SAXO1: variants seen among roughly 807,000 people sequenced by gnomAD.
SAXO1 encodes the protein stabilizer of axonemal microtubules 1.
Under a neutral mutation model 17.5 loss-of-function variants are expected in SAXO1, and 21 were observed. The ratio of observed to expected loss-of-function variants is 1.20; its 90% CI spans 0.85 to 1.72. The LOEUF (loss-of-function observed/expected upper bound fraction) is 1.72, where lower values mean the gene tolerates loss of function less well. Among genes scored for constraint, SAXO1 ranks in the 40% most tolerant of loss-of-function variants. The pLI is 0.00. For synonymous variants in SAXO1, 274 were observed against 216.5 expected, an observed-to-expected ratio of 1.27 and a Z score of -2.33; for missense variants, 843 against 596.0, an observed-to-expected ratio of 1.41 and a Z score of -4.32.
intron 1 of SAXO1, among the ~76,000 whole-genome samples, chr9:19,003,002 T>G (rs977660973): frequency 1.3e-5 from 2 of 152,204 alleles, no homozygotes; most frequent in African/African-American, 4.8e-5. Flanking sequence ...CCCCATCATC[T>G]CAGCCCAAAA....
At position 18,928,158 on chromosome 9, in the gene SAXO1, T is replaced by C. The variant is rs1830844978; in HGVS notation, c.1319A>G (p.His440Arg). Residue 440 changes from histidine to arginine, a missense_variant, in exon 4 of 4, where the codon CAC becomes CGC. His to Arg is a conservative substitution (Grantham distance 29, BLOSUM62 0). Coordinates refer to ENST00000380534, the MANE Select transcript of SAXO1 (RefSeq NM_153707.4). ...CTGGGAAACTGGTTTGTATATCCTG[T>C]GACCCAAAGCATCCACTTCCTCAAA... ...YTFEEVDALG[H>R]RIYKPVSQAG... 1 of 1,614,104 alleles carries C rather than the reference T, an allele frequency of 6.2e-7. No individual in the cohort carries two copies. The highest frequency in any genetic ancestry group is 8.5e-7 in the Non-Finnish European group (1 of 1,180,044).
intron 1 of SAXO1, among the ~76,000 whole-genome samples, chr9:19,019,298 G>T (rs941906797): frequency 1.3e-5 from 2 of 152,040 alleles, no homozygotes; most frequent in African/African-American, 4.8e-5. Flanking sequence ...AAGAAAAAAG[G>T]CTCTTCTGTC....
At chr9:18,982,840 A>C (rs1833449483) in intron 1 of SAXO1, among the ~76,000 whole-genome samples, 2 of 152,196 alleles carry the variant, frequency 1.3e-5, no homozygotes, top group African/African-American at 4.8e-5. Context: ...TCATTTATGG[A>C]GATACAAACT....
intron 1 of SAXO1, among the ~76,000 whole-genome samples, chr9:18,995,578 T>A (rs553999231): frequency 3.9e-5 from 6 of 152,324 alleles, no homozygotes; most frequent in African/African-American, 1.4e-4. Flanking sequence ...TACTCCTGTT[T>A]ATGATTCCTA....
chr9:19,004,012 A>G (rs547176532), intron 1 of SAXO1, among the ~76,000 whole-genome samples: 1 of 152,368 alleles, frequency 6.6e-6, no homozygotes, highest in African/African-American at 2.4e-5. Context: ...ACTTATATCC[A>G]GAATCCACAA....
At chr9:19,037,997 C>T (rs1400583499), upstream of SAXO1, among the ~76,000 whole-genome samples, 1 of 152,124 alleles carries the variant, frequency 6.6e-6, no homozygotes, top group African/African-American at 2.4e-5. Context: ...GGCTGTGTAT[C>T]ATGAAAAAAT....
In SAXO1 at chr9:18,941,626, T is replaced by C; in HGVS notation, c.421+11A>G. ...GTCTTTCCCCCAATCTGCCCCTCTG[T>C]GCTCTCCCACCTTTATAAGTAGGCA... On this transcript the variant is annotated intron_variant, in intron 3 of 3. Transcript: ENST00000380534. 2 of 1,614,108 alleles carry C rather than the reference T, an allele frequency of 1.2e-6. No individual in the cohort carries two copies. Among genetic ancestry groups the C allele is most frequent in the Non-Finnish European group, 8.5e-7 (1 of 1,180,010 alleles).
At chr9:18,955,210 A>G (rs1444323881) in intron 1 of SAXO1, among the ~76,000 whole-genome samples, 2 of 152,214 alleles carry the variant, frequency 1.3e-5, no homozygotes, top group Non-Finnish European at 2.9e-5. Flanking sequence ...AAAAAAAACT[A>G]AAAAGTTTTT....
chr9:19,047,404 A>G (rs189351484), intron 1 of SAXO1, among the ~76,000 whole-genome samples: 202 of 152,250 alleles, frequency 1.3e-3, no homozygotes, highest in African/African-American at 4.7e-3. Flanking sequence ...GACTCCGTAA[A>G]ATGTGATATC....
At chr9:18,929,860 C>A (rs1830960761) in intron 3 of SAXO1, among the ~76,000 whole-genome samples, 1 of 152,220 alleles carries the variant, frequency 6.6e-6, no homozygotes, top group Non-Finnish European at 1.5e-5. Flanking sequence ...ATCTGACCCA[C>A]TCTACTCTCT....
chr9:18,938,821 C>CGTGCGTGTGT (rs759584592), intron 3 of SAXO1, among the ~76,000 whole-genome samples: 1 of 78,510 alleles, frequency 1.3e-5, no homozygotes, highest in African/African-American at 4.7e-5. Context: ...TGCGTGCGTG[C>CGTGCGTGTGT]GTGTGTGTGT....
At chr9:18,942,585 C>G (rs1229278711) in intron 2 of SAXO1, among the ~76,000 whole-genome samples, 1 of 152,220 alleles carries the variant, frequency 6.6e-6, no homozygotes, top group East Asian at 1.9e-4. Context: ...ACTGGAAACC[C>G]TGACTCCTTC....
intron 2 of SAXO1, among the ~76,000 whole-genome samples, chr9:18,942,500 A>G (rs1358224962): frequency 6.6e-6 from 1 of 152,112 alleles, no homozygotes; most frequent in Non-Finnish European, 1.5e-5. Context: ...TGTTCCCAAA[A>G]GCTTCTCCTG....
intron 1 of SAXO1, among the ~76,000 whole-genome samples, chr9:19,043,367 CAGAG>C (rs1168935141): frequency 7.9e-5 from 12 of 152,074 alleles, no homozygotes; most frequent in African/African-American, 2.9e-4. Context: ...CTCACAGACA[CAGAG>C]AGCAGAAGAA....
At chr9:18,955,807 G>T (rs1469793858) in intron 1 of SAXO1, among the ~76,000 whole-genome samples, 1 of 151,942 alleles carries the variant, frequency 6.6e-6, no homozygotes, top group Non-Finnish European at 1.5e-5. Context: ...TCCCACCCCT[G>T]CCTCCCCACA....
intron 1 of SAXO1, among the ~76,000 whole-genome samples, chr9:19,013,387 G>C (rs1037633370): frequency 6.6e-6 from 1 of 151,970 alleles, no homozygotes; most frequent in African/African-American, 2.4e-5. Flanking sequence ...AAATAGGAGG[G>C]GAAAGTTTCA....
chr9:18,937,199 G>T (rs979472056), intron 3 of SAXO1, among the ~76,000 whole-genome samples: 2 of 152,218 alleles, frequency 1.3e-5, no homozygotes, highest in African/African-American at 4.8e-5. Flanking sequence ...AATGCATGGG[G>T]TTATTAAGGA....
chr9:19,028,783 T>C (rs548673792), intron 1 of SAXO1, among the ~76,000 whole-genome samples: 1 of 152,312 alleles, frequency 6.6e-6, no homozygotes, highest in East Asian at 1.9e-4. Context: ...CAAAGCTCAC[T>C]GAAAAGTTTT....
intron 1 of SAXO1, among the ~76,000 whole-genome samples, chr9:18,968,070 G>C (rs7029021): frequency 0.18 from 27,655 of 151,994 alleles, 5,280 homozygotes; most frequent in African/African-American, 0.49. Flanking sequence ...CCTTCTGTGG[G>C]CCTCAGCCAC....
Sources: allele counts gnomAD v4.1 joint callset (sites outside exome capture counted in the v4.1 genomes callset), GRCh38; gene constraint gnomAD v4.1.1; transcripts MANE v1.5; gene names NCBI Gene and HGNC (gene_info 2026-07-23, HGNC 2026-07-21).